Variants in SMC5 observed in about 807,000 individuals in gnomAD.
SMC5 encodes the protein structural maintenance of chromosomes 5, also known as structural maintenance of chromosomes protein 5.
SMC5 carries 88 observed loss-of-function variants against 148.3 expected under a neutral mutation model. The observed-to-expected ratio is 0.59, with a 90% confidence interval of 0.50 to 0.71. The LOEUF is 0.71. Ranked by LOEUF, SMC5 falls within the 30% of genes least tolerant of loss-of-function variation. The pLI is 0.00. For synonymous variants in SMC5, 421 were observed against 432.8 expected (o/e 0.97, Z 0.34); for missense variants, 1,142 against 1,298.9 (o/e 0.88, Z 1.86).
intron 17 of SMC5, among the ~76,000 whole-genome samples, chr9:70,330,856 G>A (rs1426563691): frequency 6.6e-6 from 1 of 152,042 alleles, no homozygotes; most frequent in Non-Finnish European, 1.5e-5. Flanking sequence ...ATGTAACTTT[G>A]TAGTAGCCAG....
chr9:70,273,322 T>C (rs1235533291), intron 3 of SMC5, among the ~76,000 whole-genome samples: 2 of 151,778 alleles, frequency 1.3e-5, no homozygotes, highest in Non-Finnish European at 2.9e-5. Context: ...TAAAGGATTT[T>C]CCCATTTTTC....
chr9:70,304,140 G>A (rs2035434391), intron 10 of SMC5, among the ~76,000 whole-genome samples: 1 of 152,240 alleles, frequency 6.6e-6, no homozygotes, highest in African/African-American at 2.4e-5. Context: ...CCAGGATGGA[G>A]TGCAGTGTCA....
Position 70,277,352 on chromosome 9 carries a change from T to C in SMC5, c.423T>C (p.Asp141=), listed in dbSNP as rs2034620333. ...SGNLVITREI[D]VAKNQSFWFI... Reference sequence around the variant, plus strand: ...ATCTTGTAATCACCCGTGAGATTGATGTGGCAAAAAATCAGTCCTTTTGGT... The same window carrying C: ...ATCTTGTAATCACCCGTGAGATTGACGTGGCAAAAAATCAGTCCTTTTGGT... Residue 141 remains aspartate (D), a synonymous_variant, in exon 4 of 25, where the codon GAT becomes GAC. Coordinates refer to ENST00000361138, the MANE Select transcript of SMC5 (RefSeq NM_015110.4). The C allele has an allele frequency of 1.2e-6, 2 of 1,601,876 alleles. No homozygotes were observed. Among genetic ancestry groups the C allele is most frequent in the Non-Finnish European group, 1.7e-6 (2 of 1,174,140 alleles).
chr9:70,303,828 A>C (rs1192980358), intron 10 of SMC5, among the ~76,000 whole-genome samples: 1 of 152,180 alleles, frequency 6.6e-6, no homozygotes, highest in Non-Finnish European at 1.5e-5. Context: ...TATAGTACAT[A>C]AATACCTCCC....
At position 70,286,190 on chromosome 9, in the gene SMC5, A is replaced by G; in HGVS notation, c.982-10A>G. ...AGCTGTCCCCCCCTCTCCCCGGTTT[A>G]ATTTTACAGGCAACAGATATTAAGG... On this transcript the variant is annotated splice_polypyrimidine_tract_variant and intron_variant, in intron 7 of 24. Transcript: ENST00000361138. 3.9e-6 allele frequency: 4 copies of G among 1,013,688 alleles called. No homozygotes were observed. The highest frequency in any genetic ancestry group is 5.6e-6 in the Non-Finnish European group (4 of 720,474). 62.8% of individuals were successfully genotyped at this position (1,013,688 alleles called of 1,614,324 possible). A position where few individuals can be genotyped will look rare whatever the true frequency, so the allele number is the denominator to read the frequency against.
At chr9:70,314,593 T>TA in intron 11 of SMC5, 149 bp from the exon 12 acceptor site, 1 of 405,110 alleles carries the variant, frequency 2.5e-6, no homozygotes. Context: ...ATTATCACAG[T>TA]AAAAAAATTT....
At chr9:70,346,080 C>T (rs1232774484) in intron 18 of SMC5, among the ~76,000 whole-genome samples, 1 of 152,116 alleles carries the variant, frequency 6.6e-6, no homozygotes, top group Non-Finnish European at 1.5e-5. Flanking sequence ...GAAGGAGAAA[C>T]AGGGTTGCTT....
At chr9:70,302,365 G>A (rs1476127708) in intron 10 of SMC5, among the ~76,000 whole-genome samples, 10 of 152,104 alleles carry the variant, frequency 6.6e-5, no homozygotes, top group African/African-American at 1.9e-4. Flanking sequence ...ATGGTGGCAC[G>A]TGCCTGTAAT....
intron 10 of SMC5, among the ~76,000 whole-genome samples, chr9:70,304,261 T>C (rs1790584152): frequency 6.6e-6 from 1 of 152,184 alleles, no homozygotes; most frequent in Non-Finnish European, 1.5e-5. Flanking sequence ...ATTATTATTG[T>C]AGAGACAGGG....
At chr9:70,269,270 A>G (rs1253226709) in intron 3 of SMC5, among the ~76,000 whole-genome samples, 2 of 152,168 alleles carry the variant, frequency 1.3e-5, no homozygotes, top group Non-Finnish European at 2.9e-5. Context: ...GTTCCTAGAA[A>G]CATAAAGTTA....
rs1002837070 is a variant in SMC5, at chr9:70,298,275, T to C, written c.1309+54T>C. On this transcript the variant is annotated intron_variant, in intron 9 of 24. Transcript: ENST00000361138. ...TTTATAAAATGTAGATACATCTCTG[T>C]TGATGAACTTTCTTCTGCTTCTATA... is the stretch of plus-strand genomic sequence containing the variant. The C allele has an allele frequency of 3.3e-6, 5 of 1,523,020 alleles. No homozygotes were observed. The African/African-American group carries it at 5.6e-5, about 17-fold the overall frequency. The allele number at this position is 1,523,020 out of a possible 1,614,324, so 94.3% of individuals were successfully genotyped here.
intron 17 of SMC5, among the ~76,000 whole-genome samples, chr9:70,329,923 C>T (rs2036177555): frequency 6.6e-6 from 1 of 152,256 alleles, no homozygotes; most frequent in East Asian, 1.9e-4. Context: ...GAAGAGGAAT[C>T]AGGCACGTCT....
At chr9:70,262,724 A>G (rs934951821) in intron 1 of SMC5, among the ~76,000 whole-genome samples, 3 of 152,120 alleles carry the variant, frequency 2.0e-5, no homozygotes, top group African/African-American at 4.8e-5. Flanking sequence ...AGACTTGGAG[A>G]AAAAAAGGAA....
chr9:70,323,156 C>G (rs990880844), intron 15 of SMC5, among the ~76,000 whole-genome samples: 1 of 152,204 alleles, frequency 6.6e-6, no homozygotes, highest in Non-Finnish European at 1.5e-5. Flanking sequence ...CAATTTACTT[C>G]ACTTACCTGA....
Position 70,354,870 on chromosome 9 carries a change from A to G in SMC5, c.*2539A>G, listed in dbSNP as rs1011989483. On this transcript the variant is annotated 3_prime_UTR_variant, in exon 25 of 25. Coordinates refer to ENST00000361138, the MANE Select transcript of SMC5 (RefSeq NM_015110.4). ...GTTGGTAATAAATCAATATTTTTAT[A>G]TTCTTTTGGTGTATGTTATTTTAAG... 6.6e-6 allele frequency: 1 copy of G among 152,128 alleles called. No homozygotes were observed. Among genetic ancestry groups the G allele is most frequent in the Non-Finnish European group, 1.5e-5 (1 of 68,008 alleles). The allele number at this position is 152,128 out of a possible 1,614,324, so 9.4% of individuals were successfully genotyped here. A position where few individuals can be genotyped will look rare whatever the true frequency, so the allele number is the denominator to read the frequency against.
chr9:70,276,873 C>G (rs977796519), intron 3 of SMC5, among the ~76,000 whole-genome samples: 4 of 152,100 alleles, frequency 2.6e-5, no homozygotes, highest in African/African-American at 9.7e-5. Flanking sequence ...CTGGAAATGC[C>G]ACGAGTCAGT....
intron 8 of SMC5, among the ~76,000 whole-genome samples, chr9:70,291,856 T>G (rs1242732784): frequency 6.6e-6 from 1 of 152,112 alleles, no homozygotes; most frequent in South Asian, 2.1e-4. Flanking sequence ...TTTTTTTTTT[T>G]TGCCATTATA....
chr9:70,337,365 G>A (rs1419114816), intron 17 of SMC5, among the ~76,000 whole-genome samples: 1 of 151,868 alleles, frequency 6.6e-6, no homozygotes, highest in Non-Finnish European at 1.5e-5. Flanking sequence ...CCTTATAGAT[G>A]GACTGAGATT....
At chr9:70,311,309 A>G (rs2118534736) in intron 11 of SMC5, 1 of 152,330 alleles carries the variant, frequency 6.6e-6, no homozygotes, top group African/African-American at 2.4e-5. Context: ...AGGGACACCC[A>G]AGGAGAGGGA....
Sources: allele counts gnomAD v4.1 joint callset (sites outside exome capture counted in the v4.1 genomes callset), GRCh38; gene constraint gnomAD v4.1.1; transcripts MANE v1.5; gene names NCBI Gene and HGNC (gene_info 2026-07-23, HGNC 2026-07-21).